Variants in RASSF4 observed in about 807,000 individuals in gnomAD.
RASSF4 encodes Ras association domain family member 4, also known as ras association domain-containing protein 4.
RASSF4 carries 38 observed loss-of-function variants against 41.1 expected under a neutral mutation model. That is an observed-to-expected ratio of 0.92 (90% CI 0.71 to 1.21). RASSF4 has a LOEUF of 1.21. RASSF4 is among the 50% of genes most tolerant of loss of function. RASSF4 has a pLI of 0.00. For synonymous variants in RASSF4, 179 were observed against 163.4 expected, an observed-to-expected ratio of 1.10 and a Z score of -0.73; for missense variants, 414 against 419.4, an observed-to-expected ratio of 0.99 and a Z score of 0.11.
At chr10:44,983,878 T>A in intron 4 of RASSF4, 144 bp from the exon 5 acceptor site, 1 of 1,412,622 alleles carries the variant, frequency 7.1e-7, no homozygotes, top group Non-Finnish European at 9.5e-7. Context: ...AGACTGACTC[T>A]CTTGGTTTGA....
chr10:44,975,983 AC>A (rs1332402821), intron 3 of RASSF4: 2 of 151,842 alleles, frequency 1.3e-5, no homozygotes, highest in Non-Finnish European at 2.9e-5. Context: ...CCGGACCTCA[AC>A]CCCTCTGCCT....
At chr10:44,987,167 C>G (rs184134717) in intron 6 of RASSF4, among the ~76,000 whole-genome samples, 2 of 152,152 alleles carry the variant, frequency 1.3e-5, no homozygotes, top group Non-Finnish European at 2.9e-5. Context: ...TGCAGTGGCA[C>G]GATCTGGGCT....
intron 2 of RASSF4, chr10:44,971,556 C>A (rs1841165306): frequency 4.4e-6 from 3 of 677,554 alleles, no homozygotes; most frequent in Admixed American, 2.0e-5. Context: ...CTCGCCTCCT[C>A]CTCAGCCCGA....
intron 1 of RASSF4, among the ~76,000 whole-genome samples, chr10:44,960,510 C>G (rs548592957): frequency 2.0e-5 from 3 of 152,286 alleles, no homozygotes; most frequent in Non-Finnish European, 4.4e-5. Flanking sequence ...CCTTAGTCTC[C>G]GAAGGTCAGC....
At chr10:44,969,360 T>C (rs1451083325) in intron 1 of RASSF4, among the ~76,000 whole-genome samples, 1 of 152,050 alleles carries the variant, frequency 6.6e-6, no homozygotes, top group East Asian at 1.9e-4. Flanking sequence ...AGTATGTGTG[T>C]GGAACAGTGT....
At chr10:44,979,552 G>A (rs955616554) in intron 3 of RASSF4, among the ~76,000 whole-genome samples, 2 of 152,094 alleles carry the variant, frequency 1.3e-5, no homozygotes, top group African/African-American at 4.8e-5. Flanking sequence ...GTGGGCTGCC[G>A]CCACAGGTAC....
Position 44,984,033 on chromosome 10 carries a change from C to T in RASSF4, c.293C>T (p.Ser98Leu), listed in dbSNP as rs760073483. The change falls in exon 5 of 11, where the codon TCG becomes TTG. Residue 98 changes from serine to leucine, a missense_variant. Physicochemically the swap from Ser to Leu is moderately radical, Grantham distance 145. Coordinates refer to ENST00000340258, the MANE Select transcript of RASSF4 (RefSeq NM_032023.4). ...RRPSCPLKEP[S>L]PQNGNITAQG... Reference sequence around the variant, plus strand: ...TTGTCTGTTTTCAGAAAGGAGCCATCGCCCCAGAACGGGAACATCACAGCC... The same window carrying T: ...TTGTCTGTTTTCAGAAAGGAGCCATTGCCCCAGAACGGGAACATCACAGCC... 20 of 1,599,814 alleles carry T rather than the reference C, an allele frequency of 1.3e-5. No individual in the cohort carries two copies. Among genetic ancestry groups the T allele is most frequent in the Middle Eastern group, 1.6e-4 (1 of 6,066 alleles).
intron 3 of RASSF4, 97 bp from the exon 4 acceptor site, chr10:44,982,424 G>C: frequency 6.8e-7 from 1 of 1,472,024 alleles, no homozygotes; most frequent in Non-Finnish European, 9.4e-7. Context: ...GAGGAGGGAT[G>C]TGCAAGGCCT....
rs1588857013 is a variant in RASSF4, at chr10:44,995,143, G to A, written c.*1814G>A. ...AAGCTATTATTTACAATCTCAGGTG[G>A]AGGACAGCTCCTGTCCCATTGTTCA... is the stretch of plus-strand genomic sequence containing the variant. On this transcript the variant is annotated 3_prime_UTR_variant, in exon 11 of 11. Coordinates refer to ENST00000340258, the MANE Select transcript of RASSF4 (RefSeq NM_032023.4). 1 of 152,280 alleles carries A rather than the reference G, an allele frequency of 6.6e-6. No individual in the cohort carries two copies. The highest frequency in any genetic ancestry group is 2.1e-4 in the South Asian group (1 of 4,832). 9.4% of individuals were successfully genotyped at this position (152,280 alleles called of 1,614,324 possible).
Position 44,994,358 on chromosome 10 carries a change from T to C in RASSF4, c.*1029T>C, listed in dbSNP as rs1842224909. The C allele has an allele frequency of 6.6e-6, 1 of 152,666 alleles. No homozygotes were observed. The allele number at this position is 152,666 out of a possible 1,614,324, so 9.5% of individuals were successfully genotyped here. ...ACTATGCAACAGTTTACATCAGTCA[T>C]GTGAAGTATTTGTCTAAAACAGAGC... On this transcript the variant is annotated 3_prime_UTR_variant, in exon 11 of 11. Coordinates refer to ENST00000340258, the MANE Select transcript of RASSF4 (RefSeq NM_032023.4).
chr10:44,971,891 G>A, intron 3 of RASSF4, 43 bp downstream of exon 3: 2 of 1,437,462 alleles, frequency 1.4e-6, no homozygotes, highest in Non-Finnish European at 1.9e-6. Flanking sequence ...ATGTACCCTG[G>A]GAGGCCCTGC....
Position 44,961,118 on chromosome 10 carries a change from G to A in RASSF4, c.-39+1252G>A, listed in dbSNP as rs61854012. Among the ~76,000 whole-genome samples the A allele has an allele frequency of 1.3e-3, 205 of 152,286 alleles. 2 individuals carry two copies. The highest frequency in any genetic ancestry group is 3.4e-3 in the Middle Eastern group (1 of 294). ...AAATGCTGGCCGGAAATTGTCATGG[G>A]CTGTTTCAGCACTTTGTCAGTGTAT... On this transcript the variant is annotated intron_variant, in intron 1 of 10. Coordinates refer to ENST00000340258, the MANE Select transcript of RASSF4 (RefSeq NM_032023.4).
intron 6 of RASSF4, among the ~76,000 whole-genome samples, chr10:44,988,452 T>C (rs1841994334): frequency 6.6e-6 from 1 of 152,120 alleles, no homozygotes; most frequent in South Asian, 2.1e-4. Context: ...AAATATAATG[T>C]GTCCCCCCAC....
At chr10:44,991,844 A>G in intron 9 of RASSF4, 61 bp from the exon 10 acceptor site, 3 of 1,213,008 alleles carry the variant, frequency 2.5e-6, no homozygotes, top group Non-Finnish European at 3.6e-6. Flanking sequence ...GCCTTGAGGA[A>G]AAGAAAACAT....
chr10:44,962,499 T>C (rs547991172), intron 1 of RASSF4, among the ~76,000 whole-genome samples: 117 of 152,320 alleles, frequency 7.7e-4, no homozygotes, highest in Middle Eastern at 3.4e-3. Context: ...AGGGCCCTTA[T>C]GTCCCCAGCA....
chr10:44,978,727 G>C (rs1841564530), intron 3 of RASSF4: 1 of 152,514 alleles, frequency 6.6e-6, no homozygotes, highest in South Asian at 2.1e-4. Context: ...GGTCCGGCAG[G>C]GGGTCCAGCG....
chr10:44,993,448 G>A lies in RASSF4; in HGVS notation c.*119G>A, dbSNP rs1842196725. The A allele has an allele frequency of 1.4e-6, 1 of 732,454 alleles. No individual in the cohort carries two copies. 45.4% of individuals were successfully genotyped at this position (732,454 alleles called of 1,614,324 possible). On this transcript the variant is annotated 3_prime_UTR_variant, in exon 11 of 11. Transcript: ENST00000340258. ...CCACCGCCTGACGAATCGAGTGCCT[G>A]TGTGTCTACCTCTCTGAAGCCTGAG...
At chr10:44,977,237 A>AG in intron 3 of RASSF4, 1 of 897,892 alleles carries the variant, frequency 1.1e-6, no homozygotes, top group Non-Finnish European at 1.7e-6. Context: ...TCATATTCAG[A>AG]GGGGGTCGGT....
rs1842192052 is a variant in RASSF4 at position 44,993,341 on chromosome 10, C to T, written c.*12C>T. 1.3e-6 allele frequency: 2 copies of T among 1,597,342 alleles called. No individual in the cohort carries two copies. Among genetic ancestry groups the T allele is most frequent in the African/African-American group, 1.3e-5 (1 of 74,758 alleles). ...TGGAGGCCAAGTAACTGGCCAACAC[C>T]TGCCTCTTCCAAAGTCCCCAGCAGT... On this transcript the variant is annotated 3_prime_UTR_variant, in exon 11 of 11. Transcript: ENST00000340258.
Sources: gnomAD v4.1 joint callset for allele counts (sites outside exome capture counted in the v4.1 genomes callset) on GRCh38, gnomAD v4.1.1 for gene constraint, MANE v1.5 for transcripts, NCBI Gene and HGNC (gene_info 2026-07-23, HGNC 2026-07-21) for gene names.